ATG4C: variants seen among roughly 807,000 people sequenced by gnomAD.
The protein encoded by ATG4C is autophagy related 4C cysteine peptidase, also known as cysteine protease ATG4C.
ATG4C carries 56 observed loss-of-function variants against 57.6 expected under a neutral mutation model. The ratio of observed to expected loss-of-function variants is 0.97; its 90% CI spans 0.78 to 1.21. The LOEUF (loss-of-function observed/expected upper bound fraction) is 1.21, where lower values mean the gene tolerates loss of function less well. Among genes scored for constraint, ATG4C ranks in the 50% most tolerant of loss-of-function variants. ATG4C has a pLI of 0.00. For synonymous variants in ATG4C, 157 were observed against 174.1 expected, an observed-to-expected ratio of 0.90 and a Z score of 0.78; for missense variants, 595 against 529.8, an observed-to-expected ratio of 1.12 and a Z score of -1.21.
At chr1:62,853,524 G>A (rs1410559605) in intron 10 of ATG4C, among the ~76,000 whole-genome samples, 1 of 152,152 alleles carries the variant, frequency 6.6e-6, no homozygotes, top group Non-Finnish European at 1.5e-5. Flanking sequence ...ATAGCTCACT[G>A]CAGCCCCGAC....
intron 9 of ATG4C, 54 bp downstream of exon 9, chr1:62,834,906 T>G: frequency 7.0e-7 from 1 of 1,433,250 alleles, no homozygotes; most frequent in Non-Finnish European, 9.8e-7. Flanking sequence ...GTAAACTAAT[T>G]ATTTAGAGAT....
At chr1:62,817,995 T>G (rs1665336744) in intron 4 of ATG4C, among the ~76,000 whole-genome samples, 1 of 151,878 alleles carries the variant, frequency 6.6e-6, no homozygotes, top group African/African-American at 2.4e-5. Context: ...TTTTCTGGGA[T>G]GATTTATTTA....
rs146299522 is a variant in ATG4C at position 62,847,437 on chromosome 1, C to T, written c.1209+5890C>T. On this transcript the variant is annotated intron_variant, in intron 10 of 10. Transcript: ENST00000317868. ...GTATAACAAAAATTAAAAGTTTCAT[C>T]GAGAAGAAAATACAGTGTCATGAGA... Among the ~76,000 whole-genome samples the T allele has an allele frequency of 3.2e-4, 48 of 151,940 alleles. 1 individual carries two copies. The highest frequency in any genetic ancestry group is 6.8e-3 in the Middle Eastern group (2 of 294).
intron 6 of ATG4C, among the ~76,000 whole-genome samples, chr1:62,826,736 T>A (rs1271770088): frequency 9.6e-6 from 1 of 104,602 alleles, no homozygotes; most frequent in Non-Finnish European, 1.9e-5. Flanking sequence ...ATGCTATCCC[T>A]CCCCCCTCCC....
In ATG4C at chr1:62,816,565, T is replaced by C. The variant is rs757839183; in HGVS notation, c.161-10T>C. On this transcript the variant is annotated splice_polypyrimidine_tract_variant and intron_variant, in intron 3 of 10. Transcript: ENST00000317868. ...TCTGGTTATCTTTAGACCGTATGTT[T>C]ATTTTTTAGATGAAGATAAAACGTT... The C allele has an allele frequency of 1.9e-6, 3 of 1,587,408 alleles. No homozygotes were observed. The African/African-American group carries it at 4.0e-5, about 21-fold the overall frequency.
intron 5 of ATG4C, 134 bp from the exon 6 acceptor site, chr1:62,821,004 GT>G: frequency 1.8e-6 from 1 of 568,864 alleles, no homozygotes; most frequent in African/African-American, 1.9e-5. Flanking sequence ...TCAGATAATA[GT>G]TTTTGACAGC....
intron 1 of ATG4C, among the ~76,000 whole-genome samples, chr1:62,786,404 C>T (rs1229706964): frequency 2.0e-5 from 3 of 151,520 alleles, no homozygotes; most frequent in Middle Eastern, 3.4e-3. Context: ...TTAGATTTTA[C>T]GGGAGTGTTT....
intron 10 of ATG4C, among the ~76,000 whole-genome samples, chr1:62,849,089 C>T (rs1408457073): frequency 4.6e-5 from 7 of 152,148 alleles, no homozygotes; most frequent in East Asian, 1.9e-4. Context: ...GAATGGCATG[C>T]GATTTTTATT....
At chr1:62,819,629 C>T (rs1665417420) in intron 5 of ATG4C, among the ~76,000 whole-genome samples, 1 of 151,986 alleles carries the variant, frequency 6.6e-6, no homozygotes, top group African/African-American at 2.4e-5. Flanking sequence ...TAAACACTAA[C>T]ATCTCTTTCA....
At chr1:62,857,231 T>A (rs1273667947) in intron 10 of ATG4C, among the ~76,000 whole-genome samples, 1 of 152,202 alleles carries the variant, frequency 6.6e-6, no homozygotes, top group Admixed American at 6.5e-5. Context: ...TTTACAGCCA[T>A]TCCCCATCAC....
chr1:62,832,428 C>A (rs1343833742), intron 7 of ATG4C, among the ~76,000 whole-genome samples: 1 of 152,152 alleles, frequency 6.6e-6, no homozygotes, highest in Admixed American at 6.6e-5. Flanking sequence ...TGATGAAGGT[C>A]TCCTTGCTGC....
Position 62,834,788 on chromosome 1 carries a change from T to C in ATG4C, c.1025T>C (p.Ile342Thr). Residue 342 changes from isoleucine (I) to threonine (T), a missense_variant, in exon 9 of 11, where the codon ATT becomes ACT. Coordinates refer to ENST00000317868, the MANE Select transcript of ATG4C (RefSeq NM_032852.4). ...YFAGFQDDSLIYMDPHYCQSF... is the reference protein window; with the variant it reads ...YFAGFQDDSLTYMDPHYCQSF... ...TTTGTCCTTGTAGATGACAGTTTGA[T>C]TTACATGGATCCTCATTACTGCCAA... 1.9e-6 allele frequency: 3 copies of C among 1,611,846 alleles called. No individual in the cohort carries two copies. The highest frequency in any genetic ancestry group is 2.5e-6 in the Non-Finnish European group (3 of 1,178,438).
At chr1:62,829,970 T>C (rs1428725020) in intron 7 of ATG4C, among the ~76,000 whole-genome samples, 1 of 152,148 alleles carries the variant, frequency 6.6e-6, no homozygotes, top group East Asian at 1.9e-4. Flanking sequence ...AATCTATCTT[T>C]TATGATTAAT....
chr1:62,859,321 G>A (rs1055609884), intron 10 of ATG4C, among the ~76,000 whole-genome samples: 1 of 152,148 alleles, frequency 6.6e-6, no homozygotes, highest in African/African-American at 2.4e-5. Flanking sequence ...TTCAGGTAAG[G>A]AATATTCAAA....
chr1:62,863,074 A>G (rs1239961600), intron 10 of ATG4C, among the ~76,000 whole-genome samples: 1 of 152,046 alleles, frequency 6.6e-6, no homozygotes, highest in African/African-American at 2.4e-5. Context: ...TTTTTTAATG[A>G]AAATCATTAA....
intron 3 of ATG4C, among the ~76,000 whole-genome samples, chr1:62,815,844 C>T (rs528711915): frequency 6.6e-6 from 1 of 152,306 alleles, no homozygotes; most frequent in Non-Finnish European, 1.5e-5. Context: ...GCCACCATGC[C>T]TGGTTAATTT....
chr1:62,797,091 A>G (rs1275671754), intron 1 of ATG4C, among the ~76,000 whole-genome samples: 2 of 152,086 alleles, frequency 1.3e-5, no homozygotes, highest in African/African-American at 4.8e-5. Flanking sequence ...TGGGCAACAG[A>G]GCAAGACTCT....
intron 10 of ATG4C, 94 bp downstream of exon 10, chr1:62,841,641 TA>T: frequency 9.5e-7 from 1 of 1,052,428 alleles, no homozygotes; most frequent in Non-Finnish European, 1.3e-6. Context: ...TAATTTTTTA[TA>T]AAATTTCCTC....
intron 10 of ATG4C, 62 bp downstream of exon 10, chr1:62,841,609 G>T: frequency 9.0e-6 from 12 of 1,335,306 alleles, no homozygotes; most frequent in Non-Finnish European, 1.0e-5. Context: ...CAGACTGTCA[G>T]AAAGCAAAAA....
Sources: allele counts gnomAD v4.1 joint callset (sites outside exome capture counted in the v4.1 genomes callset), GRCh38; gene constraint gnomAD v4.1.1; transcripts MANE v1.5; gene names NCBI Gene and HGNC (gene_info 2026-07-23, HGNC 2026-07-21).